Variants in PCDHGB7 observed in about 807,000 individuals in gnomAD.
PCDHGB7 encodes the protein protocadherin gamma-B7.
In PCDHGB7, 37 loss-of-function variants were observed where a neutral mutation model predicts 61.4. The observed-to-expected ratio is 0.60, with a 90% CI of 0.46 to 0.79. PCDHGB7 has a LOEUF of 0.79. PCDHGB7 is among the 30% of genes least tolerant of loss of function. PCDHGB7 has a pLI of 0.00. For synonymous variants in PCDHGB7, 464 were observed against 503.5 expected (o/e 0.92, Z 1.05); for missense variants, 1,166 against 1,202.5 (o/e 0.97, Z 0.45).
chr5:141,496,993 C>G (rs981547671), intron 2 of PCDHGB7, among the ~76,000 whole-genome samples: 1 of 151,910 alleles, frequency 6.6e-6, no homozygotes, highest in South Asian at 2.1e-4. Flanking sequence ...TGAGACCAGC[C>G]TGGCAGCCAA....
rs750109717 is a variant in PCDHGB7, at chr5:141,490,546, A to C, written c.2416-4261A>C. 1.9e-6 allele frequency: 3 copies of C among 1,614,110 alleles called. No individual in the cohort carries two copies. Among genetic ancestry groups the C allele is most frequent in the Non-Finnish European group, 2.5e-6 (3 of 1,180,036 alleles). On this transcript the variant is annotated intron_variant, in intron 1 of 3. Transcript: ENST00000398594. The surrounding 1 kb of genome is among the most constrained non-coding windows in gnomAD (Gnocchi z 5.4). ...CGATGCTGGTTCACCTTCCCTACAC[A>C]AACATCTCACCATCAGGCTCAACAT...
At position 141,509,122 on chromosome 5, in the gene PCDHGB7, G is replaced by A. The variant is rs2099875312; in HGVS notation, c.2564-1825G>A. 2.0e-5 allele frequency among the ~76,000 whole-genome samples: 3 copies of A among 152,154 alleles called. No homozygotes were observed. In the South Asian group the frequency reaches 6.2e-4, roughly 32 times the overall value. The stretch of plus-strand genomic sequence containing the variant: ...AGAAACCTGAGCGCTGGTGCGTGAA[G>A]AGAAAAACCGAGGCGCATCCCGGCT... On this transcript the variant is annotated intron_variant, in intron 3 of 3. Transcript: ENST00000398594.
Position 141,418,232 on chromosome 5 carries a change from G to A in PCDHGB7, c.373G>A (p.Asp125Asn), listed in dbSNP as rs1034684988. 1 of 1,614,066 alleles carries A rather than the reference G, an allele frequency of 6.2e-7. No individual in the cohort carries two copies. The highest frequency in any genetic ancestry group is 8.5e-7 in the Non-Finnish European group (1 of 1,179,906). The change falls in exon 1 of 4, where the codon GAT becomes AAT. Residue 125 changes from aspartate to asparagine, a missense_variant. Coordinates refer to ENST00000398594, the MANE Select transcript of PCDHGB7 (RefSeq NM_018927.4). Reference protein sequence around the residue: ...NIFHVIVVIEDVNDHAPQFRK... With the variant: ...NIFHVIVVIENVNDHAPQFRK... ...TTTTCATGTCATTGTGGTGATTGAG[G>A]ATGTTAATGACCACGCCCCTCAATT...
chr5:141,459,444 T>C (rs1485634547), intron 1 of PCDHGB7, among the ~76,000 whole-genome samples: 1 of 152,244 alleles, frequency 6.6e-6, no homozygotes, highest in Non-Finnish European at 1.5e-5. Context: ...TTCATTCAAC[T>C]GTTGGTGGAC....
chr5:141,427,199 A>G (rs900332017), intron 1 of PCDHGB7: 5 of 456,766 alleles, frequency 1.1e-5, no homozygotes, highest in Non-Finnish European at 2.2e-5. Context: ...AAGACTTAAT[A>G]GACTTCGAAT....
intron 1 of PCDHGB7, chr5:141,423,301 C>T (rs1489674947): frequency 1.9e-6 from 3 of 1,614,150 alleles, no homozygotes; most frequent in East Asian, 4.5e-5. Flanking sequence ...AGACCTCTCG[C>T]TGTACTTGGT....
rs777247531 is a variant in PCDHGB7 at position 141,476,417 on chromosome 5, C to T, written c.2416-18390C>T. 3 of 1,614,112 alleles carry T rather than the reference C, an allele frequency of 1.9e-6. No homozygotes were observed. Among genetic ancestry groups the T allele is most frequent in the Admixed American group, 1.7e-5 (1 of 60,018 alleles). The stretch of plus-strand genomic sequence containing the variant: ...GGATCGAGAGGAGCTGTGTGGGACA[C>T]TGCCCTCTTGCACTGTAACTCTGGA... On this transcript the variant is annotated intron_variant, in intron 1 of 3. Coordinates refer to ENST00000398594, the MANE Select transcript of PCDHGB7 (RefSeq NM_018927.4). The surrounding 1 kb of genome is among the most constrained non-coding windows in gnomAD (Gnocchi z 7.6).
chr5:141,427,087 A>T, intron 1 of PCDHGB7: 1 of 458,198 alleles, frequency 2.2e-6, no homozygotes, highest in Non-Finnish European at 4.4e-6. Flanking sequence ...ACTGACCAGG[A>T]TGAGGGTGTC....
At position 141,494,880 on chromosome 5, in the gene PCDHGB7, C is replaced by G. The variant is rs950094823; in HGVS notation, c.2474+15C>G. On this transcript the variant is annotated intron_variant, in intron 2 of 3. Transcript: ENST00000398594. ...GGCACCAGCGGGTAGGTGACTGATT[C>G]TCCAGCCCACCCTCTTCTCTGCGGC... The G allele has an allele frequency of 3.7e-6, 6 of 1,614,040 alleles. No individual in the cohort carries two copies. The African/African-American group carries it at 6.7e-5, about 18-fold the overall frequency.
intron 1 of PCDHGB7, among the ~76,000 whole-genome samples, chr5:141,472,026 G>C (rs2099269805): frequency 6.6e-6 from 1 of 152,108 alleles, no homozygotes; most frequent in Non-Finnish European, 1.5e-5. Context: ...ATTGTATGTA[G>C]AAAGCTGTGA....
At chr5:141,446,035 A>G (rs1300621298) in intron 1 of PCDHGB7, among the ~76,000 whole-genome samples, 1 of 152,222 alleles carries the variant, frequency 6.6e-6, no homozygotes, top group Non-Finnish European at 1.5e-5. Context: ...CTGGTAAGAA[A>G]TGGAAGAAGA....
At chr5:141,423,836 GATA>G (rs752488755) in intron 1 of PCDHGB7, 23 of 1,275,246 alleles carry the variant, frequency 1.8e-5, no homozygotes, top group Non-Finnish European at 2.1e-5. Context: ...ATGAGATTAC[GATA>G]ATCTTTCAGA....
At chr5:141,482,048 G>T (rs375214441) in intron 1 of PCDHGB7, among the ~76,000 whole-genome samples, 12 of 150,156 alleles carry the variant, frequency 8.0e-5, no homozygotes, top group Middle Eastern at 6.9e-3. Flanking sequence ...TCATGCTGTT[G>T]CATTCCAGCC....
Position 141,485,087 on chromosome 5 carries a change from T to G in PCDHGB7, c.2416-9720T>G. The G allele has an allele frequency of 2.0e-6, 2 of 1,000,176 alleles. No homozygotes were observed. The highest frequency in any genetic ancestry group is 1.5e-6 in the Non-Finnish European group (1 of 651,808). 62.0% of individuals were successfully genotyped at this position (1,000,176 alleles called of 1,614,324 possible). A position where few individuals can be genotyped will look rare whatever the true frequency, so the allele number is the denominator to read the frequency against. The stretch of plus-strand genomic sequence containing the variant: ...CAGAGCTGGCGCGGGGAAAGGGAGA[T>G]AGGTGTCTCCAGCTGCTGTGGCTGT... On this transcript the variant is annotated intron_variant, in intron 1 of 3. Transcript: ENST00000398594. This position sits in a 1 kb window ranked among gnomAD's most constrained non-coding sequence, Gnocchi z 5.7.
chr5:141,444,893 G>T (rs1238224263), intron 1 of PCDHGB7, among the ~76,000 whole-genome samples: 1 of 152,160 alleles, frequency 6.6e-6, no homozygotes, highest in Admixed American at 6.5e-5. Flanking sequence ...TTTTGAATGG[G>T]ATGGCATTGC....
intron 1 of PCDHGB7, among the ~76,000 whole-genome samples, chr5:141,438,498 CAT>C (rs2097963931): frequency 6.7e-6 from 1 of 149,704 alleles, no homozygotes; most frequent in African/African-American, 2.5e-5. Context: ...AAAAAAGAAT[CAT>C]AGTGCAAAAC....
In PCDHGB7 at chr5:141,511,307, G is replaced by A. The variant is rs919320754; in HGVS notation, c.*134G>A. On this transcript the variant is annotated 3_prime_UTR_variant, in exon 4 of 4. Coordinates refer to ENST00000398594, the MANE Select transcript of PCDHGB7 (RefSeq NM_018927.4). ...TAGGGGCCAAGGCCATGCTCCCCTT[G>A]GGAAACAGAAACAAGTGCCCAGTCA... 8 of 1,488,416 alleles carry A rather than the reference G, an allele frequency of 5.4e-6. No individual in the cohort carries two copies. Among genetic ancestry groups the A allele is most frequent in the Non-Finnish European group, 5.4e-6 (6 of 1,115,202 alleles). The allele number at this position is 1,488,416 out of a possible 1,614,324, so 92.2% of individuals were successfully genotyped here. A position where few individuals can be genotyped will look rare whatever the true frequency, so the allele number is the denominator to read the frequency against.
intron 1 of PCDHGB7, among the ~76,000 whole-genome samples, chr5:141,470,814 A>T (rs1170059292): frequency 2.6e-5 from 4 of 152,006 alleles, no homozygotes; most frequent in Admixed American, 6.5e-5. Context: ...CAGCCTTCTG[A>T]GTAGTTAGGA....
chr5:141,437,591 G>T (rs1177672004), intron 1 of PCDHGB7, among the ~76,000 whole-genome samples: 5 of 152,170 alleles, frequency 3.3e-5, no homozygotes, highest in Non-Finnish European at 7.3e-5. Flanking sequence ...GAATTGGATA[G>T]TTCTGGTGTA....
Sources: gnomAD v4.1 joint callset for allele counts (sites outside exome capture counted in the v4.1 genomes callset) on GRCh38, gnomAD v4.1.1 for gene constraint, Gnocchi (gnomAD v3.1) non-coding constraint, MANE v1.5 for transcripts, NCBI Gene and HGNC (gene_info 2026-07-23, HGNC 2026-07-21) for gene names.